Variants in FAM135B observed in about 807,000 individuals in gnomAD.
The protein encoded by FAM135B is family with sequence similarity 135 member B.
FAM135B carries 43 observed loss-of-function variants against 127.7 expected under a neutral mutation model. The observed-to-expected ratio is 0.34, with a 90% CI of 0.26 to 0.43. The LOEUF (loss-of-function observed/expected upper bound fraction) is 0.43. Among genes scored for constraint, FAM135B ranks in the 20% least tolerant of loss-of-function variants. The pLI, the probability that FAM135B is intolerant of heterozygous loss-of-function variation, is 1.00. For missense variants in FAM135B, 1,558 were observed against 1,725.6 expected (o/e 0.90, Z 1.72); for synonymous variants, 670 against 665.1 (o/e 1.01, Z -0.11).
rs141667849 is a variant in FAM135B, at chr8:138,273,447, G to A, written c.158-7605C>T. ...TCTCAGACTCCTGACCTCGTGATCC[G>A]CCCACCTTGGCTTCCCAGAGTGTTG... On this transcript the variant is annotated intron_variant, in intron 3 of 19. Coordinates refer to ENST00000395297, the MANE Select transcript of FAM135B (RefSeq NM_015912.4). Among the ~76,000 whole-genome samples the A allele has an allele frequency of 6.6e-3, 999 of 152,186 alleles. 10 individuals are homozygous for A. The highest frequency in any genetic ancestry group is 0.022 in the African/African-American group (923 of 41,532).
At chr8:138,367,381 G>T (rs979685815) in intron 2 of FAM135B, 7 of 456,102 alleles carry the variant, frequency 1.5e-5, no homozygotes, top group Admixed American at 2.4e-5. Context: ...GATATCACCT[G>T]CACGTGAAAT....
intron 17 of FAM135B, among the ~76,000 whole-genome samples, chr8:138,140,207 G>T (rs1817011898): frequency 6.6e-6 from 1 of 152,202 alleles, no homozygotes; most frequent in Non-Finnish European, 1.5e-5. Flanking sequence ...TCACAAGTAT[G>T]CCATAAAATA....
At chr8:138,223,704 T>C (rs1275726992) in intron 7 of FAM135B, among the ~76,000 whole-genome samples, 2 of 152,192 alleles carry the variant, frequency 1.3e-5, no homozygotes, top group Admixed American at 1.3e-4. Flanking sequence ...CTCAGAGCAT[T>C]GTGCACTAGT....
chr8:138,135,665 C>T (rs886989696), intron 19 of FAM135B, among the ~76,000 whole-genome samples: 1 of 151,980 alleles, frequency 6.6e-6, no homozygotes, highest in African/African-American at 2.4e-5. Context: ...TCCAATAATA[C>T]CACTACTAGA....
At chr8:138,254,024 A>C (rs1184179461) in intron 5 of FAM135B, among the ~76,000 whole-genome samples, 1 of 152,234 alleles carries the variant, frequency 6.6e-6, no homozygotes, top group African/African-American at 2.4e-5. Flanking sequence ...AGAGGAAGCA[A>C]CACATTGAAG....
intron 1 of FAM135B, among the ~76,000 whole-genome samples, chr8:138,454,896 C>T (rs4397407): frequency 0.47 from 70,884 of 151,846 alleles, 17,197 homozygotes; most frequent in African/African-American, 0.54. Flanking sequence ...TTCTCACCTT[C>T]GTGTCATTAT....
chr8:138,278,090 A>C (rs981731959), intron 3 of FAM135B, among the ~76,000 whole-genome samples: 5 of 152,136 alleles, frequency 3.3e-5, no homozygotes, highest in Admixed American at 2.0e-4. Flanking sequence ...TGGTGCCTAA[A>C]CAAACTTTCA....
At chr8:138,314,317 T>G (rs1378821558) in intron 2 of FAM135B, among the ~76,000 whole-genome samples, 1 of 152,310 alleles carries the variant, frequency 6.6e-6, no homozygotes, top group East Asian at 1.9e-4. Context: ...TGGTTCAGCA[T>G]TTGTTAATTC....
At chr8:138,379,137 G>T (rs1271394046) in intron 1 of FAM135B, among the ~76,000 whole-genome samples, 1 of 152,148 alleles carries the variant, frequency 6.6e-6, no homozygotes, top group African/African-American at 2.4e-5. Context: ...AAGTGTGTGT[G>T]TGTACATAAG....
At chr8:138,233,710 TCAA>T (rs1437650902) in intron 7 of FAM135B, among the ~76,000 whole-genome samples, 1 of 151,956 alleles carries the variant, frequency 6.6e-6, no homozygotes, top group Non-Finnish European at 1.5e-5. Flanking sequence ...AAGGAAACAA[TCAA>T]CAGAGTGAAA....
intron 7 of FAM135B, among the ~76,000 whole-genome samples, chr8:138,227,737 T>TGG (rs1554637932): frequency 0.017 from 2,230 of 134,822 alleles, 53 homozygotes; most frequent in African/African-American, 0.065. Flanking sequence ...TTTTTTTTTT[T>TGG]TGGTGGTGGT....
chr8:138,324,126 C>T (rs1489917291), intron 2 of FAM135B, among the ~76,000 whole-genome samples: 2 of 152,220 alleles, frequency 1.3e-5, no homozygotes, highest in Admixed American at 1.3e-4. Flanking sequence ...AAACTAGTTG[C>T]ATTTTCTGCC....
chr8:138,231,830 C>T (rs1819928942), intron 7 of FAM135B, among the ~76,000 whole-genome samples: 1 of 152,128 alleles, frequency 6.6e-6, no homozygotes, highest in Non-Finnish European at 1.5e-5. Context: ...TAAATGCTCA[C>T]TACATTTACC....
chr8:138,147,977 C>T (rs114678002), intron 14 of FAM135B, among the ~76,000 whole-genome samples: 113 of 152,132 alleles, frequency 7.4e-4, no homozygotes, highest in African/African-American at 2.6e-3. Flanking sequence ...AAAAGGTATC[C>T]TATAAGTGGG....
At chr8:138,403,739 A>T (rs1563972716) in intron 1 of FAM135B, among the ~76,000 whole-genome samples, 1 of 151,998 alleles carries the variant, frequency 6.6e-6, no homozygotes, top group East Asian at 1.9e-4. Flanking sequence ...TTATCTGCCC[A>T]TTCCCCTCCC....
At chr8:138,262,622 T>C (rs1238262443) in intron 4 of FAM135B, among the ~76,000 whole-genome samples, 1 of 151,972 alleles carries the variant, frequency 6.6e-6, no homozygotes, top group Non-Finnish European at 1.5e-5. Context: ...AACTAACGGC[T>C]GGGCGCGGTG....
intron 1 of FAM135B, among the ~76,000 whole-genome samples, chr8:138,428,572 A>G (rs1157317733): frequency 1.3e-5 from 2 of 152,136 alleles, no homozygotes; most frequent in Non-Finnish European, 2.9e-5. Flanking sequence ...TAATGGTAGC[A>G]CAGAGAGGTC....
intron 2 of FAM135B, among the ~76,000 whole-genome samples, chr8:138,337,526 A>G (rs1474295267): frequency 6.6e-6 from 1 of 151,912 alleles, no homozygotes; most frequent in Non-Finnish European, 1.5e-5. Context: ...AAAGAGAATA[A>G]AATACCCAGG....
chr8:138,203,322 C>A (rs755448889), intron 7 of FAM135B, among the ~76,000 whole-genome samples: 2 of 152,058 alleles, frequency 1.3e-5, no homozygotes, highest in Non-Finnish European at 2.9e-5. Context: ...TCCCTCTGGT[C>A]TTCCTGAATG....
Sources: gnomAD v4.1 joint callset for allele counts (sites outside exome capture counted in the v4.1 genomes callset) on GRCh38, gnomAD v4.1.1 for gene constraint, MANE v1.5 for transcripts, NCBI Gene and HGNC (gene_info 2026-07-23, HGNC 2026-07-21) for gene names.